Variants in NLGN1 observed in about 807,000 individuals in gnomAD.
The protein encoded by NLGN1 is neuroligin-1.
Under a neutral mutation model 65.5 loss-of-function variants are expected in NLGN1, and 12 were observed. The ratio of observed to expected loss-of-function variants is 0.18; its 90% CI spans 0.12 to 0.30. The LOEUF (loss-of-function observed/expected upper bound fraction) is 0.30. Ranked by LOEUF, NLGN1 falls within the 10% of genes least tolerant of loss-of-function variation. The pLI is 1.00. For synonymous variants in NLGN1, 350 were observed against 359.5 expected, an observed-to-expected ratio of 0.97 and a Z score of 0.30; for missense variants, 750 against 1,007.1, an observed-to-expected ratio of 0.74 and a Z score of 3.46.
At chr3:174,195,461 T>C (rs1733234914) in intron 4 of NLGN1, among the ~76,000 whole-genome samples, 1 of 152,146 alleles carries the variant, frequency 6.6e-6, no homozygotes, top group Admixed American at 6.5e-5. Context: ...AAAGAGACGA[T>C]CTGAAAAAAC....
chr3:173,934,697 T>A (rs2152294187), intron 4 of NLGN1, among the ~76,000 whole-genome samples: 1 of 152,128 alleles, frequency 6.6e-6, no homozygotes, highest in East Asian at 1.9e-4. Flanking sequence ...TTTATGAGTA[T>A]TCTCAAAGTA....
At chr3:173,476,121 C>G (rs1398012926) in intron 2 of NLGN1, among the ~76,000 whole-genome samples, 2 of 152,152 alleles carry the variant, frequency 1.3e-5, no homozygotes, top group African/African-American at 4.8e-5. Flanking sequence ...AGACAACTAA[C>G]ATCCCAAGTG....
At chr3:174,190,088 T>C (rs1438874235) in intron 4 of NLGN1, among the ~76,000 whole-genome samples, 1 of 152,126 alleles carries the variant, frequency 6.6e-6, no homozygotes, top group Non-Finnish European at 1.5e-5. Context: ...ACTTGAGCAC[T>C]GTGCTACAAT....
chr3:174,199,737 T>A (rs1283466617), intron 4 of NLGN1, among the ~76,000 whole-genome samples: 1 of 152,208 alleles, frequency 6.6e-6, no homozygotes, highest in Non-Finnish European at 1.5e-5. Context: ...CTGCAGAAAT[T>A]CAGGTTAGAA....
At chr3:174,226,310 C>T (rs1416201320) in intron 4 of NLGN1, among the ~76,000 whole-genome samples, 13 of 152,070 alleles carry the variant, frequency 8.5e-5, no homozygotes, top group Admixed American at 8.5e-4. Context: ...ACCCACCACC[C>T]CTGGTTATCT....
At chr3:174,174,459 A>G (rs1462846915) in intron 4 of NLGN1, among the ~76,000 whole-genome samples, 1 of 151,988 alleles carries the variant, frequency 6.6e-6, no homozygotes, top group African/African-American at 2.4e-5. Flanking sequence ...AGTGTTCCCT[A>G]TTCACCACAT....
intron 3 of NLGN1, among the ~76,000 whole-genome samples, chr3:173,622,679 G>A (rs867920137): frequency 1.3e-5 from 2 of 152,094 alleles, no homozygotes; most frequent in Admixed American, 6.6e-5. Flanking sequence ...GGACTGCATC[G>A]GAGAAGTGGT....
intron 3 of NLGN1, among the ~76,000 whole-genome samples, chr3:173,722,142 T>C (rs1770942543): frequency 6.6e-6 from 1 of 152,100 alleles, no homozygotes; most frequent in East Asian, 1.9e-4. Context: ...GTCCACACAA[T>C]GGGTTGATAG....
Position 173,582,077 on chromosome 3 carries a change from T to C in NLGN1, c.-320-22202T>C, listed in dbSNP as rs571921761. Among the ~76,000 whole-genome samples, 43 of 152,180 alleles carry C rather than the reference T, an allele frequency of 2.8e-4. No homozygotes were observed. In the East Asian group the frequency reaches 8.1e-3, roughly 29 times the overall value. On this transcript the variant is annotated intron_variant, in intron 2 of 6. Coordinates refer to ENST00000457714, the Ensembl canonical transcript of NLGN1. ...AATAGATGTAATTATTTTACCTGTT[T>C]TTGAATTTTATATACAAATATCATC...
intron 4 of NLGN1, among the ~76,000 whole-genome samples, chr3:173,951,071 T>C (rs1748110400): frequency 6.6e-6 from 1 of 152,072 alleles, no homozygotes; most frequent in Admixed American, 6.5e-5. Flanking sequence ...TTCACCATGT[T>C]GGCCAGGCTG....
chr3:173,652,353 C>T (rs185363427), intron 3 of NLGN1, among the ~76,000 whole-genome samples: 3 of 152,204 alleles, frequency 2.0e-5, no homozygotes, highest in African/African-American at 4.8e-5. Flanking sequence ...GGAAAATATC[C>T]AGAAGAATTT....
chr3:173,732,890 T>G (rs985151667), intron 3 of NLGN1, among the ~76,000 whole-genome samples: 4 of 152,084 alleles, frequency 2.6e-5, no homozygotes, highest in African/African-American at 4.8e-5. Flanking sequence ...TATAAAATTA[T>G]TATGATAATA....
chr3:173,711,438 CT>C (rs939802284), intron 3 of NLGN1, among the ~76,000 whole-genome samples: 131 of 152,214 alleles, frequency 8.6e-4, no homozygotes, highest in African/African-American at 3.1e-3. Context: ...CTGTTGCAAA[CT>C]TGTTTCCTTA....
chr3:174,107,009 CACACACACAGAGAGAGAG>C (rs1015682346), intron 4 of NLGN1, among the ~76,000 whole-genome samples: 8 of 118,916 alleles, frequency 6.7e-5, no homozygotes, highest in African/African-American at 3.2e-4. Context: ...CACACACACA[CACACACACAGAGAGAGAG>C]AGAGAGAGAG....
intron 4 of NLGN1, among the ~76,000 whole-genome samples, chr3:174,183,827 A>T (rs558689604): frequency 6.6e-6 from 1 of 152,194 alleles, no homozygotes; most frequent in Admixed American, 6.5e-5. Context: ...TCACCTAGGT[A>T]CTGGAAGTTG....
intron 4 of NLGN1, among the ~76,000 whole-genome samples, chr3:173,936,747 C>T (rs1199671502): frequency 5.3e-5 from 8 of 152,012 alleles, no homozygotes; most frequent in African/African-American, 1.4e-4. Context: ...TAGCCGGAAA[C>T]GGCAGACTTC....
chr3:173,664,025 T>G (rs1761345894), intron 3 of NLGN1, among the ~76,000 whole-genome samples: 1 of 152,058 alleles, frequency 6.6e-6, no homozygotes, highest in Admixed American at 6.6e-5. Context: ...TATGCTGTCA[T>G]TATATTTATT....
downstream of NLGN1, among the ~76,000 whole-genome samples, chr3:174,288,732 TAGTTCATCTCTGCCTAACA>T (rs1752412413): frequency 1.3e-5 from 2 of 151,530 alleles, no homozygotes; most frequent in Non-Finnish European, 3.0e-5. Flanking sequence ...CACTTACGTA[TAGTTCATCTCTGCCTAACA>T]GAGCTCCACT....
At chr3:173,636,415 G>A (rs528718658) in intron 3 of NLGN1, among the ~76,000 whole-genome samples, 1 of 152,118 alleles carries the variant, frequency 6.6e-6, no homozygotes, top group African/African-American at 2.4e-5. Flanking sequence ...GGAAACCGAG[G>A]TCCACAAGCT....
Sources: allele counts gnomAD v4.1 joint callset (sites outside exome capture counted in the v4.1 genomes callset), GRCh38; gene constraint gnomAD v4.1.1; transcripts MANE v1.5; gene names NCBI Gene and HGNC (gene_info 2026-07-23, HGNC 2026-07-21).